ALG14: variants seen among roughly 807,000 people sequenced by gnomAD.
The protein encoded by ALG14 is ALG14 UDP-N-acetylglucosaminyltransferase subunit, also known as UDP-N-acetylglucosamine transferase subunit ALG14.
Under a neutral mutation model 22.8 loss-of-function variants are expected in ALG14, and 17 were observed. The observed-to-expected ratio is 0.75, with a 90% CI of 0.51 to 1.12. The LOEUF (loss-of-function observed/expected upper bound fraction) is 1.12, where lower values mean the gene tolerates loss of function less well. Ranked by LOEUF, ALG14 falls within the 50% of genes most tolerant of loss-of-function variation. ALG14 has a pLI of 0.00. For missense variants in ALG14, 288 were observed against 271.8 expected (o/e 1.06, Z -0.42); for synonymous variants, 89 against 103.7 (o/e 0.86, Z 0.86).
chr1:94,986,692 C>T (rs942312583), intron 3 of ALG14, among the ~76,000 whole-genome samples: 2 of 151,366 alleles, frequency 1.3e-5, no homozygotes, highest in Non-Finnish European at 2.9e-5. Context: ...AGGATGGTCT[C>T]GATCTCTTGA....
At chr1:95,025,972 G>T (rs1007568633) in intron 3 of ALG14, among the ~76,000 whole-genome samples, 1 of 151,622 alleles carries the variant, frequency 6.6e-6, no homozygotes, top group African/African-American at 2.4e-5. Context: ...TCGCTCTGTC[G>T]CCCAGGCTGG....
chr1:95,057,314 C>T (rs548881227), intron 2 of ALG14, among the ~76,000 whole-genome samples: 198 of 151,400 alleles, frequency 1.3e-3, no homozygotes, highest in African/African-American at 4.4e-3. Flanking sequence ...AACCATGGAT[C>T]GAAAATATTT....
intron 3 of ALG14, among the ~76,000 whole-genome samples, chr1:94,987,984 G>A (rs534834984): frequency 6.6e-6 from 1 of 152,310 alleles, no homozygotes; most frequent in South Asian, 2.1e-4. Context: ...GGTGAAGGCT[G>A]GAGAGAGGTC....
At chr1:95,072,685 C>G (rs1675608546) in intron 1 of ALG14, 78 bp downstream of exon 1, 8 of 1,567,878 alleles carry the variant, frequency 5.1e-6, no homozygotes, top group Non-Finnish European at 7.0e-6. Context: ...GCTAAGGGTA[C>G]CAGGGAAGAG....
intron 2 of ALG14, among the ~76,000 whole-genome samples, chr1:95,042,456 T>C (rs1674410976): frequency 6.6e-6 from 1 of 152,190 alleles, no homozygotes; most frequent in Non-Finnish European, 1.5e-5. Flanking sequence ...TGTTCCCAAC[T>C]GTTTGTTCTC....
At chr1:95,013,772 T>C (rs954848783) in intron 3 of ALG14, among the ~76,000 whole-genome samples, 11 of 152,204 alleles carry the variant, frequency 7.2e-5, no homozygotes, top group African/African-American at 2.7e-4. Flanking sequence ...AATTAATTTA[T>C]AGGCCTAGTG....
intron 3 of ALG14, among the ~76,000 whole-genome samples, chr1:95,022,933 G>A (rs1673705592): frequency 6.6e-6 from 1 of 152,144 alleles, no homozygotes; most frequent in South Asian, 2.1e-4. Flanking sequence ...GTTCTGGCAT[G>A]TCAACAATTA....
At chr1:95,009,231 T>C (rs1441548071) in intron 3 of ALG14, among the ~76,000 whole-genome samples, 1 of 150,238 alleles carries the variant, frequency 6.7e-6, no homozygotes, top group African/African-American at 2.4e-5. Context: ...ATATTATATA[T>C]TTTATTTATA....
intron 2 of ALG14, among the ~76,000 whole-genome samples, chr1:95,037,769 A>AAT (rs962006982): frequency 1.7e-4 from 26 of 152,162 alleles, no homozygotes; most frequent in African/African-American, 4.8e-4. Context: ...CTTAAAATAA[A>AAT]ATATATATAT....
chr1:94,983,224 A>T lies in ALG14; in HGVS notation c.503T>A (p.Ile168Asn), dbSNP rs1431105428. 4 of 1,614,182 alleles carry T rather than the reference A, an allele frequency of 2.5e-6. No homozygotes were observed. The highest frequency in any genetic ancestry group is 3.4e-6 in the Non-Finnish European group (4 of 1,180,022). The change falls in exon 4 of 4, where the codon ATC becomes AAC. Residue 168 changes from isoleucine (I) to asparagine (N), a missense_variant. Transcript: ENST00000370205. ...LLGILGIKKV[I>N]IVYVESICRV... ...GCAGATGCTTTCAACGTAGACAATG[A>T]TCACTTTCTTTATTCCTAGTATCCC...
chr1:95,046,725 A>C (rs1674567599), intron 2 of ALG14, among the ~76,000 whole-genome samples: 1 of 152,266 alleles, frequency 6.6e-6, no homozygotes, highest in Non-Finnish European at 1.5e-5. Flanking sequence ...TTACAGAATA[A>C]AATAATACTA....
At chr1:95,049,000 T>C (rs1203735942) in intron 2 of ALG14, among the ~76,000 whole-genome samples, 1 of 152,176 alleles carries the variant, frequency 6.6e-6, no homozygotes, top group Non-Finnish European at 1.5e-5. Flanking sequence ...TAAAATATTA[T>C]ACACCATTAA....
chr1:95,006,583 T>TGATA (rs1673227399), intron 3 of ALG14, among the ~76,000 whole-genome samples: 1 of 152,182 alleles, frequency 6.6e-6, no homozygotes, highest in African/African-American at 2.4e-5. Context: ...AGGTGCTGAC[T>TGATA]GATATCCTCC....
At chr1:95,031,339 G>A (rs1027458601) in intron 2 of ALG14, among the ~76,000 whole-genome samples, 5 of 152,214 alleles carry the variant, frequency 3.3e-5, no homozygotes, top group African/African-American at 1.2e-4. Flanking sequence ...AGGGATGAAA[G>A]TTGAAGTGGT....
intron 3 of ALG14, among the ~76,000 whole-genome samples, chr1:94,993,946 G>C (rs1672844460): frequency 6.6e-6 from 1 of 152,146 alleles, no homozygotes; most frequent in South Asian, 2.1e-4. Context: ...TTCCCTGACT[G>C]TAACTGCAGG....
chr1:94,982,043 C>T lies in ALG14; in HGVS notation c.*1033G>A, dbSNP rs1440383495. The T allele has an allele frequency of 6.6e-6, 1 of 151,684 alleles. No individual in the cohort carries two copies. Among genetic ancestry groups the T allele is most frequent in the Non-Finnish European group, 1.5e-5 (1 of 67,970 alleles). 9.4% of individuals were successfully genotyped at this position (151,684 alleles called of 1,614,324 possible). On this transcript the variant is annotated 3_prime_UTR_variant, in exon 4 of 4. Coordinates refer to ENST00000370205, the MANE Select transcript of ALG14 (RefSeq NM_144988.4). ...TACCTGAACTTGAATTCTGGCTTTG[C>T]TACTTACTACTCATGTGATCTTGGA...
At chr1:95,053,680 C>T (rs1427448813) in intron 2 of ALG14, among the ~76,000 whole-genome samples, 1 of 152,110 alleles carries the variant, frequency 6.6e-6, no homozygotes, top group Non-Finnish European at 1.5e-5. Context: ...CCTGCCTTGG[C>T]CTCCCACAGC....
chr1:95,070,420 G>A (rs1394813255), intron 1 of ALG14, among the ~76,000 whole-genome samples: 1 of 152,206 alleles, frequency 6.6e-6, no homozygotes, highest in Non-Finnish European at 1.5e-5. Flanking sequence ...AGGGCAAAAG[G>A]GAAGTTTCCC....
intron 3 of ALG14, among the ~76,000 whole-genome samples, chr1:95,013,372 C>T (rs1276802871): frequency 1.3e-5 from 2 of 151,506 alleles, no homozygotes; most frequent in African/African-American, 2.4e-5. Flanking sequence ...AGTCTTGCTC[C>T]GTCGCCCAGG....
Sources: allele counts gnomAD v4.1 joint callset (sites outside exome capture counted in the v4.1 genomes callset), GRCh38; gene constraint gnomAD v4.1.1; transcripts MANE v1.5; gene names NCBI Gene and HGNC (gene_info 2026-07-23, HGNC 2026-07-21).